The following CAMSAP2 variants were observed in gnomAD, a reference collection of about 807,000 sequenced individuals.
CAMSAP2 encodes calmodulin-regulated spectrin-associated protein 2.
Under a neutral mutation model 146.1 loss-of-function variants are expected in CAMSAP2, and 26 were observed. The ratio of observed to expected loss-of-function variants is 0.18; its 90% CI spans 0.13 to 0.25. The LOEUF (loss-of-function observed/expected upper bound fraction) is 0.25. Ranked by LOEUF, CAMSAP2 falls within the 10% of genes least tolerant of loss-of-function variation. The pLI is 1.00. For synonymous variants in CAMSAP2, 499 were observed against 596.6 expected (o/e 0.84, Z 2.38); for missense variants, 1,381 against 1,759.3 (o/e 0.78, Z 3.85).
At chr1:200,799,288 C>T (rs547816806) in intron 2 of CAMSAP2, among the ~76,000 whole-genome samples, 3 of 151,840 alleles carry the variant, frequency 2.0e-5, no homozygotes, top group African/African-American at 4.8e-5. Context: ...GCTGTGAATC[C>T]GTCTAGTCCT....
chr1:200,765,096 T>G (rs1342812343), intron 2 of CAMSAP2, among the ~76,000 whole-genome samples: 1 of 151,916 alleles, frequency 6.6e-6, no homozygotes, highest in Non-Finnish European at 1.5e-5. Context: ...AGAGTGAGAT[T>G]CCATCTCAAA....
intron 1 of CAMSAP2, among the ~76,000 whole-genome samples, chr1:200,741,737 A>G (rs73086625): frequency 0.1 from 15,757 of 152,266 alleles, 886 homozygotes; most frequent in Middle Eastern, 0.13. Flanking sequence ...ACTTGAACAT[A>G]TTGAACACAC....
Position 200,760,556 on chromosome 1 carries a change from A to T in CAMSAP2, c.140-283A>T, listed in dbSNP as rs74760087. Among the ~76,000 whole-genome samples, 174 of 152,272 alleles carry T rather than the reference A, an allele frequency of 1.1e-3. No individual in the cohort carries two copies. In the East Asian group the frequency reaches 0.032, roughly 28 times the overall value. On this transcript the variant is annotated intron_variant, in intron 1 of 16. Coordinates refer to ENST00000358823, the MANE Select transcript of CAMSAP2 (RefSeq NM_203459.4). Reference sequence around the variant, plus strand: ...CTGTAGATTTGACTATGAATGTGGGAATACTTTCCCAAGAGCCACTAGACT... The same window carrying T: ...CTGTAGATTTGACTATGAATGTGGGTATACTTTCCCAAGAGCCACTAGACT...
chr1:200,801,860 C>T (rs547909422), intron 2 of CAMSAP2, among the ~76,000 whole-genome samples: 10 of 152,198 alleles, frequency 6.6e-5, no homozygotes, highest in African/African-American at 9.6e-5. Flanking sequence ...CTCTTTAACT[C>T]GTCTTAGTAC....
chr1:200,780,748 C>T (rs1314842397), intron 2 of CAMSAP2, among the ~76,000 whole-genome samples: 1 of 152,174 alleles, frequency 6.6e-6, no homozygotes, highest in Non-Finnish European at 1.5e-5. Flanking sequence ...TGAGTATCTG[C>T]CATAGATATT....
At chr1:200,754,574 CTTTTTTTTTTTTTTTT>C (rs35219206) in intron 1 of CAMSAP2, among the ~76,000 whole-genome samples, 3 of 86,578 alleles carry the variant, frequency 3.5e-5, no homozygotes, top group East Asian at 7.4e-4. Context: ...GAAAGAGCTC[CTTTTTTTTTTTTTTTT>C]TTTTTTTTTT....
chr1:200,773,255 T>TTATG (rs1267813013), intron 2 of CAMSAP2, among the ~76,000 whole-genome samples: 21 of 152,180 alleles, frequency 1.4e-4, no homozygotes, highest in African/African-American at 4.8e-4. Context: ...TTATTTTTAT[T>TTATG]TATTTATTTA....
rs748689513 is a variant in CAMSAP2, at chr1:200,848,099, C to G, written c.1330C>G (p.Pro444Ala). The change falls in exon 11 of 17, where the codon CCA (proline) becomes GCA (alanine). Residue 444 changes from proline (P) to alanine (A), a missense_variant. Physicochemically the swap from Pro to Ala is conservative, Grantham distance 27. Transcript: ENST00000358823. Reference protein sequence around the residue: ...DKEDSVQRSTPNRGITRSISN... With the variant: ...DKEDSVQRSTANRGITRSISN... ...AGAAGATAGTGTACAGAGATCCACT[C>G]CAAACCGAGGAATCACTCGTTCTAT... 1 of 1,608,370 alleles carries G rather than the reference C, an allele frequency of 6.2e-7. No homozygotes were observed. The highest frequency in any genetic ancestry group is 1.1e-5 in the South Asian group (1 of 90,378).
In CAMSAP2 at chr1:200,740,030, T is replaced by C. The variant is rs534176585; in HGVS notation, c.139+64T>C. On this transcript the variant is annotated intron_variant, in intron 1 of 16. Coordinates refer to ENST00000358823, the MANE Select transcript of CAMSAP2 (RefSeq NM_203459.4). ...ATGTGGTCCACATCTCGGTTTTTGT[T>C]CCCGATTCTCGAATCCCTCCCTCCC... is the stretch of plus-strand genomic sequence containing the variant. The C allele has an allele frequency of 8.9e-6, 14 of 1,572,522 alleles. No homozygotes were observed. The East Asian group carries it at 2.0e-4, about 23-fold the overall frequency.
chr1:200,835,799 T>A (rs1667170794), intron 6 of CAMSAP2, among the ~76,000 whole-genome samples: 2 of 152,206 alleles, frequency 1.3e-5, no homozygotes, highest in South Asian at 4.1e-4. Context: ...ATCTACATTG[T>A]CAGCTAAAAA....
intron 4 of CAMSAP2, among the ~76,000 whole-genome samples, chr1:200,825,801 C>T (rs12746424): frequency 7.2e-5 from 11 of 152,118 alleles, no homozygotes; most frequent in East Asian, 5.8e-4. Flanking sequence ...CTACTGTGCC[C>T]GGCCAATCAT....
intron 1 of CAMSAP2, 44 bp downstream of exon 1, chr1:200,740,010 G>C: frequency 6.2e-7 from 1 of 1,600,932 alleles, no homozygotes; most frequent in Non-Finnish European, 8.5e-7. Context: ...TCCTGATGTG[G>C]TCCACATCTC....
chr1:200,748,014 C>T (rs1231379332), intron 1 of CAMSAP2, among the ~76,000 whole-genome samples: 1 of 150,604 alleles, frequency 6.6e-6, no homozygotes, highest in African/African-American at 2.4e-5. Flanking sequence ...AAGAAAATGG[C>T]TGTAGCAGTT....
chr1:200,830,381 AG>A (rs1419208763), intron 4 of CAMSAP2, among the ~76,000 whole-genome samples: 1 of 152,206 alleles, frequency 6.6e-6, no homozygotes, highest in Non-Finnish European at 1.5e-5. Context: ...ACTTTGCAGG[AG>A]GGAGTAGAAC....
chr1:200,816,814 GTGTGTACACACACACGCGTGTGTA>G (rs1455826292), intron 4 of CAMSAP2, among the ~76,000 whole-genome samples: 10 of 84,870 alleles, frequency 1.2e-4, no homozygotes, highest in South Asian at 5.0e-4. Flanking sequence ...GTGTATATAT[GTGTGTACACACACACGCGTGTGTA>G]TGTGTGTACA....
At chr1:200,805,596 CA>C (rs1371616338) in intron 2 of CAMSAP2, among the ~76,000 whole-genome samples, 1 of 152,110 alleles carries the variant, frequency 6.6e-6, no homozygotes, top group Non-Finnish European at 1.5e-5. Flanking sequence ...GAAATTAATG[CA>C]AACAGAAACA....
rs1306012768 is a variant in CAMSAP2 at position 200,847,171 on chromosome 1, A to C, written c.1110-39A>C. The stretch of plus-strand genomic sequence containing the variant: ...CATTCTACCTAAATTTATATTAAAC[A>C]GCTAAAATATAACATTTTAAATTTA... On this transcript the variant is annotated intron_variant, in intron 8 of 16. Transcript: ENST00000358823. 4 of 1,439,822 alleles carry C rather than the reference A, an allele frequency of 2.8e-6. No individual in the cohort carries two copies. In the East Asian group the frequency reaches 9.1e-5, roughly 33 times the overall value. 89.2% of individuals were successfully genotyped at this position (1,439,822 alleles called of 1,614,324 possible). A position where few individuals can be genotyped will look rare whatever the true frequency, so the allele number is the denominator to read the frequency against.
chr1:200,806,763 GTGTATCTATCTATCTATC>G (rs1571775769), intron 2 of CAMSAP2, among the ~76,000 whole-genome samples: 3 of 117,762 alleles, frequency 2.5e-5, no homozygotes, highest in East Asian at 4.9e-4. Context: ...GTGTGTGTGT[GTGTATCTATCTATCTATC>G]TATCTATCTA....
chr1:200,835,767 C>T (rs568177638), intron 6 of CAMSAP2, among the ~76,000 whole-genome samples: 27 of 151,968 alleles, frequency 1.8e-4, no homozygotes, highest in Non-Finnish European at 2.9e-4. Context: ...TCTGTTAGTA[C>T]CAGAAAAGGC....
Sources: allele counts gnomAD v4.1 joint callset (sites outside exome capture counted in the v4.1 genomes callset), GRCh38; gene constraint gnomAD v4.1.1; transcripts MANE v1.5; gene names NCBI Gene and HGNC (gene_info 2026-07-23, HGNC 2026-07-21).